Variants in ROCK1 observed in about 807,000 individuals in gnomAD.
The protein encoded by ROCK1 is Rho associated coiled-coil containing protein kinase 1, also known as rho-associated protein kinase 1.
A neutral mutation model predicts 196.8 loss-of-function variants in ROCK1; 36 were observed. The ratio of observed to expected loss-of-function variants is 0.18; its 90% CI spans 0.14 to 0.24. The LOEUF is 0.24. ROCK1 is among the 10% of genes least tolerant of loss of function. The pLI, the probability that ROCK1 is intolerant of heterozygous loss-of-function variation, is 1.00. For synonymous variants in ROCK1, 443 were observed against 515.9 expected, an observed-to-expected ratio of 0.86 and a Z score of 1.91; for missense variants, 920 against 1,562.0, an observed-to-expected ratio of 0.59 and a Z score of 6.93.
chr18:21,060,141 C>T lies in ROCK1; in HGVS notation c.176-10261G>A, dbSNP rs1344286122. Among the ~76,000 whole-genome samples the T allele has an allele frequency of 2.0e-5, 3 of 152,188 alleles. No homozygotes were observed. In the East Asian group the frequency reaches 5.8e-4, roughly 29 times the overall value. Reference sequence around the variant, plus strand: ...ATGGTTGCACAACTCTGAAAATACACATACACCCAAAAAGCTCACTGAATT... The same window carrying T: ...ATGGTTGCACAACTCTGAAAATACATATACACCCAAAAAGCTCACTGAATT... On this transcript the variant is annotated intron_variant, in intron 2 of 32. Transcript: ENST00000399799.
intron 1 of ROCK1, among the ~76,000 whole-genome samples, chr18:21,074,236 G>A (rs2036411221): frequency 6.6e-6 from 1 of 152,176 alleles, no homozygotes; most frequent in South Asian, 2.1e-4. Context: ...CTATGAAAAT[G>A]AAAACAGAAT....
intron 29 of ROCK1, among the ~76,000 whole-genome samples, chr18:20,959,121 A>ATAT (rs1568367472): frequency 5.8e-5 from 3 of 52,100 alleles, no homozygotes; most frequent in African/African-American, 4.1e-4. Flanking sequence ...ATATTATATA[A>ATAT]TATATATATT....
intron 5 of ROCK1, among the ~76,000 whole-genome samples, 183 bp from the exon 6 acceptor site, chr18:21,044,369 G>A (rs1349244573): frequency 6.6e-6 from 1 of 152,106 alleles, no homozygotes; most frequent in Non-Finnish European, 1.5e-5. Flanking sequence ...ATATGTTAAT[G>A]CCTCAGAAGA....
chr18:21,084,750 T>C (rs1488524765), intron 1 of ROCK1, among the ~76,000 whole-genome samples: 1 of 152,228 alleles, frequency 6.6e-6, no homozygotes, highest in Non-Finnish European at 1.5e-5. Flanking sequence ...ATTCCACTTC[T>C]GGGTATACAC....
intron 29 of ROCK1, among the ~76,000 whole-genome samples, chr18:20,958,608 C>A (rs1169565390): frequency 1.3e-5 from 2 of 150,978 alleles, no homozygotes; most frequent in South Asian, 4.2e-4. Context: ...TAATAATGAC[C>A]AAAGAATCCT....
intron 1 of ROCK1, among the ~76,000 whole-genome samples, chr18:21,105,947 A>C (rs1027330906): frequency 6.6e-5 from 10 of 152,236 alleles, no homozygotes; most frequent in African/African-American, 2.4e-4. Flanking sequence ...ATGGGAAAGC[A>C]CTAGGTCAAG....
chr18:20,963,431 A>G (rs949000567), intron 27 of ROCK1, among the ~76,000 whole-genome samples: 1 of 152,142 alleles, frequency 6.6e-6, no homozygotes, highest in Non-Finnish European at 1.5e-5. Context: ...AAGAAAATTA[A>G]TTAATACTCA....
intron 1 of ROCK1, among the ~76,000 whole-genome samples, chr18:21,092,336 C>T (rs2036577249): frequency 6.6e-6 from 1 of 152,096 alleles, no homozygotes; most frequent in Non-Finnish European, 1.5e-5. Context: ...AATCCCAGCA[C>T]TTTGGAAAGC....
intron 1 of ROCK1, among the ~76,000 whole-genome samples, chr18:21,094,185 G>GT (rs1238335076): frequency 6.6e-6 from 1 of 152,128 alleles, no homozygotes; most frequent in Non-Finnish European, 1.5e-5. Flanking sequence ...AAAGAAAAAC[G>GT]TAAGAGAACA....
chr18:21,066,095 T>G (rs1181918109), intron 2 of ROCK1, among the ~76,000 whole-genome samples: 1 of 152,192 alleles, frequency 6.6e-6, no homozygotes, highest in African/African-American at 2.4e-5. Context: ...AAAATAATTT[T>G]GATGTGCTTG....
intron 13 of ROCK1, among the ~76,000 whole-genome samples, chr18:21,009,843 A>G (rs2035801440): frequency 6.6e-6 from 1 of 152,188 alleles, no homozygotes; most frequent in Non-Finnish European, 1.5e-5. Context: ...TTTCATCCAT[A>G]TATCTAAAAA....
intron 2 of ROCK1, among the ~76,000 whole-genome samples, chr18:21,067,903 G>A (rs2036350590): frequency 6.6e-6 from 1 of 152,080 alleles, no homozygotes; most frequent in South Asian, 2.1e-4. Flanking sequence ...ATGATATGAG[G>A]TAGGAGTCCA....
chr18:21,030,215 T>C (rs1242396658), intron 9 of ROCK1, among the ~76,000 whole-genome samples: 2 of 152,116 alleles, frequency 1.3e-5, no homozygotes, highest in Admixed American at 6.5e-5. Context: ...CCTTGGGAAA[T>C]ACAGAAGTTA....
At position 21,099,483 on chromosome 18, in the gene ROCK1, C is replaced by T. The variant is rs568179436; in HGVS notation, c.93+11335G>A. 8.5e-5 allele frequency among the ~76,000 whole-genome samples: 13 copies of T among 152,316 alleles called. No individual in the cohort carries two copies. The East Asian group carries it at 2.5e-3, about 29-fold the overall frequency. On this transcript the variant is annotated intron_variant, in intron 1 of 32. Coordinates refer to ENST00000399799, the MANE Select transcript of ROCK1 (RefSeq NM_005406.3). Reference sequence around the variant, plus strand: ...AATGGGCCTGGCACAGTAGCTCACACCTTTAATCCCAACACTTTGGGGGGT... The same window carrying T: ...AATGGGCCTGGCACAGTAGCTCACATCTTTAATCCCAACACTTTGGGGGGT...
chr18:21,043,127 A>T lies in ROCK1; in HGVS notation c.676-418T>A, dbSNP rs138634854. On this transcript the variant is annotated intron_variant, in intron 6 of 32. Transcript: ENST00000399799. ...CCAGTGCAAATACACTGGGGAGTTC[A>T]TAGGATAGGGCATTTTACAACATAT... 3.3e-5 allele frequency among the ~76,000 whole-genome samples: 5 copies of T among 152,282 alleles called. No homozygotes were observed. The East Asian group carries it at 9.7e-4, about 29-fold the overall frequency.
At chr18:20,997,320 A>C (rs1598522041) in intron 16 of ROCK1, among the ~76,000 whole-genome samples, 1 of 152,238 alleles carries the variant, frequency 6.6e-6, no homozygotes. Context: ...ACAAAAACAA[A>C]AACAAAAAAA....
At chr18:21,056,210 C>T (rs939171853) in intron 2 of ROCK1, among the ~76,000 whole-genome samples, 13 of 152,128 alleles carry the variant, frequency 8.5e-5, no homozygotes, top group African/African-American at 3.1e-4. Flanking sequence ...ATATCAACTT[C>T]CAAATTTTTA....
chr18:20,959,282 GCTCACTGCAAC>G (rs1177435079), intron 29 of ROCK1, among the ~76,000 whole-genome samples: 1 of 136,456 alleles, frequency 7.3e-6, no homozygotes, highest in Non-Finnish European at 1.5e-5. Context: ...CGCAATCTAG[GCTCACTGCAAC>G]CTCTGCCTCC....
chr18:21,106,454 GT>G (rs1568412060), intron 1 of ROCK1, among the ~76,000 whole-genome samples: 1 of 152,238 alleles, frequency 6.6e-6, no homozygotes, highest in Admixed American at 6.5e-5. Context: ...ACCCGGCCTT[GT>G]TTTTCCTATT....
Sources: allele counts gnomAD v4.1 joint callset (sites outside exome capture counted in the v4.1 genomes callset), GRCh38; gene constraint gnomAD v4.1.1; transcripts MANE v1.5; gene names NCBI Gene and HGNC (gene_info 2026-07-23, HGNC 2026-07-21).